Variants in EHMT2 observed in about 807,000 individuals in gnomAD.
EHMT2 encodes histone-lysine N-methyltransferase EHMT2.
A neutral mutation model predicts 143.3 loss-of-function variants in EHMT2; 59 were observed. The observed-to-expected ratio is 0.41, with a 90% CI of 0.33 to 0.51. EHMT2 has a LOEUF of 0.51. Among genes scored for constraint, EHMT2 ranks in the 20% least tolerant of loss-of-function variants. EHMT2 has a pLI of 0.18. For synonymous variants in EHMT2, 604 were observed against 651.5 expected, an observed-to-expected ratio of 0.93 and a Z score of 1.11; for missense variants, 1,174 against 1,645.9, an observed-to-expected ratio of 0.71 and a Z score of 4.96.
At chr6:31,892,992 TG>T in intron 4 of EHMT2, 82 bp from the exon 5 acceptor site, 2 of 882,896 alleles carry the variant, frequency 2.3e-6, no homozygotes. Flanking sequence ...CAGGCGGGGG[TG>T]GGGTAGTGAG....
exon 17 of EHMT2, chr6:31,886,775 C>T (rs776528443): frequency 6.2e-7 from 1 of 1,614,238 alleles, no homozygotes; most frequent in Non-Finnish European, 8.5e-7. Context: ...GCGCGCACAC[C>T]TTGCTATAGA....
Position 31,889,385 on chromosome 6 carries a change from G to C in EHMT2, c.1000-43C>G. On this transcript the variant is annotated intron_variant, in intron 8 of 27. Coordinates refer to ENST00000375537, the Ensembl canonical transcript of EHMT2. This position sits in a 1 kb window ranked among gnomAD's most constrained non-coding sequence, Gnocchi z 5.1. ...GAGGAGTTAGGAACCCTCACCCCCA[G>C]GGGCCCCCCCAACACCTTCAGGACC... The C allele has an allele frequency of 6.2e-7, 1 of 1,609,034 alleles. No homozygotes were observed. Among genetic ancestry groups the C allele is most frequent in the Non-Finnish European group, 8.5e-7 (1 of 1,178,422 alleles).
At chr6:31,893,166 T>C in intron 4 of EHMT2, 1 of 535,700 alleles carries the variant, frequency 1.9e-6, no homozygotes, top group East Asian at 3.1e-5. Flanking sequence ...CAAAGCTTAA[T>C]AAAGTTAAAA....
At chr6:31,892,939 G>A (rs1286530250) in intron 4 of EHMT2, 29 bp from the exon 5 acceptor site, 1 of 1,497,664 alleles carries the variant, frequency 6.7e-7, no homozygotes, top group African/African-American at 1.4e-5. Context: ...CACACTGAGG[G>A]TCAGAGAGCA....
intron 4 of EHMT2, among the ~76,000 whole-genome samples, chr6:31,893,832 A>G (rs1285297490): frequency 6.6e-6 from 1 of 152,168 alleles, no homozygotes; most frequent in East Asian, 1.9e-4. Context: ...GGTCCTTGCC[A>G]GGGGCTAGGG....
At position 31,881,870 on chromosome 6, in the gene EHMT2, G is replaced by A. The variant is rs767363363; in HGVS notation, c.3198-778C>T. On this transcript the variant is annotated intron_variant, in intron 25 of 27. Coordinates refer to ENST00000375537, the Ensembl canonical transcript of EHMT2. This position sits in a 1 kb window ranked among gnomAD's most constrained non-coding sequence, Gnocchi z 4.8. ...TGTAATCCCAGCACTTTGGGAGGCC[G>A]AGGTGGGCGGATCATCTGAGGTCAG... Among the ~76,000 whole-genome samples, 4 of 152,194 alleles carry A rather than the reference G, an allele frequency of 2.6e-5. No individual in the cohort carries two copies. Among genetic ancestry groups the A allele is most frequent in the Non-Finnish European group, 4.4e-5 (3 of 68,034 alleles).
In EHMT2 at chr6:31,880,464, G is replaced by A. The variant is rs1352726365; in HGVS notation, c.3453-200C>T. The A allele has an allele frequency of 2.4e-6, 2 of 832,260 alleles. No homozygotes were observed. The highest frequency in any genetic ancestry group is 3.6e-6 in the Non-Finnish European group (2 of 548,892). The allele number at this position is 832,260 out of a possible 1,614,324, so 51.6% of individuals were successfully genotyped here. The stretch of plus-strand genomic sequence containing the variant: ...ACTTTTTAGAAATGCAGAATCCTGG[G>A]CCCCATCCCAAGCCTACTGATTCAA... On this transcript the variant is annotated intron_variant, in intron 27 of 27. Coordinates refer to ENST00000375537, the Ensembl canonical transcript of EHMT2. This position sits in a 1 kb window ranked among gnomAD's most constrained non-coding sequence, Gnocchi z 6.6.
At position 31,888,625 on chromosome 6, in the gene EHMT2, T is replaced by G. The variant is rs780998448; in HGVS notation, c.1339A>C (p.Met447Leu). The stretch of plus-strand genomic sequence containing the variant: ...TCTCCGTCCACACTCTCAGTGGCCA[T>G]GCACTTGTGCCCCGCCCTCTCGCTG... The change falls in exon 11 of 28, where the codon ATG becomes CTG. Residue 447 changes from methionine (M) to leucine (L), a missense_variant. Physicochemically the swap from Met to Leu is conservative, Grantham distance 15. This residue lies in a region of EHMT2 where 608 missense variants were observed against 903.7 expected (regional missense o/e 0.67). Transcript: ENST00000375537. The surrounding 1 kb of genome is among the most constrained non-coding windows in gnomAD (Gnocchi z 7.4). 3 of 1,613,418 alleles carry G rather than the reference T, an allele frequency of 1.9e-6. No homozygotes were observed.
Position 31,887,962 on chromosome 6 carries a change from C to T in EHMT2, c.1746-1G>A, listed in dbSNP as rs1765108446. ...TTCCCCATGCCCTCGCATCCGGGCA[C>T]TGTGGAAGAAGGAGCTCATGTCCAG... is the stretch of plus-strand genomic sequence containing the variant. On this transcript the variant is annotated splice_acceptor_variant, in intron 13 of 27. Coordinates refer to ENST00000375537, the Ensembl canonical transcript of EHMT2. LOFTEE classifies it high-confidence loss of function. The T allele has an allele frequency of 6.3e-7, 1 of 1,589,016 alleles. No homozygotes were observed. The highest frequency in any genetic ancestry group is 8.6e-7 in the Non-Finnish European group (1 of 1,166,094).
rs1764297786 is a variant in EHMT2 at position 31,882,905 on chromosome 6, CTG to C, written c.3097_3098del (p.Gln1033GlufsTer41). 1.2e-6 allele frequency: 2 copies of C among 1,612,990 alleles called. No individual in the cohort carries two copies. Among genetic ancestry groups the C allele is most frequent in the Non-Finnish European group, 1.7e-6 (2 of 1,179,976 alleles). On this transcript the variant is annotated frameshift_variant, in exon 24 of 28. Transcript: ENST00000375537. LOFTEE classifies it high-confidence loss of function. The stretch of plus-strand genomic sequence containing the variant: ...GAGCAGGGCCTCACTTGATGCCACT[CTG>C]TACGACCCGGTTCTTGCAGTTTCTC...
At chr6:31,890,496 A>G (rs1765542247) in intron 7 of EHMT2, among the ~76,000 whole-genome samples, 1 of 150,322 alleles carries the variant, frequency 6.7e-6, no homozygotes, top group South Asian at 2.2e-4. Context: ...ACCTCAGGTG[A>G]TCCACCTGCC....
In EHMT2 at chr6:31,896,244, T is replaced by C; in HGVS notation, c.582+19A>G. On this transcript the variant is annotated intron_variant, in intron 4 of 27. Coordinates refer to ENST00000375537, the Ensembl canonical transcript of EHMT2. ...CAAAGGTTTATGGTTGATTATCCCATCTCTCCCATCCCACTCACCTGTCCA... is the reference window on the plus strand; with the variant it reads ...CAAAGGTTTATGGTTGATTATCCCACCTCTCCCATCCCACTCACCTGTCCA... 1 of 1,598,016 alleles carries C rather than the reference T, an allele frequency of 6.3e-7. No individual in the cohort carries two copies. The highest frequency in any genetic ancestry group is 8.5e-7 in the Non-Finnish European group (1 of 1,170,722).
At chr6:31,885,274 G>A (rs1045535885) in intron 18 of EHMT2, 1 of 409,198 alleles carries the variant, frequency 2.4e-6, no homozygotes. Flanking sequence ...TCAGGAGATG[G>A]AGGCCATTGT....
At position 31,888,417 on chromosome 6, in the gene EHMT2, G is replaced by A. The variant is rs142165631; in HGVS notation, c.1455C>T (p.Arg485=). The A allele has an allele frequency of 2.8e-4, 444 of 1,612,866 alleles. No homozygotes were observed. Among genetic ancestry groups the A allele is most frequent in the Non-Finnish European group, 3.0e-4 (355 of 1,179,952 alleles). ...AGCAGTGGTGTTTGACCATGCGGGC[G>A]CGGTGGGTCTCACAGAGCACCATCA... The change falls in exon 12 of 28, where the codon CGC becomes CGT. Residue 485 remains arginine (R), a synonymous_variant. Coordinates refer to ENST00000375537, the Ensembl canonical transcript of EHMT2. The surrounding 1 kb of genome is among the most constrained non-coding windows in gnomAD (Gnocchi z 7.4).
At chr6:31,885,645 G>C (rs1764736844) in intron 18 of EHMT2, 2 of 152,288 alleles carry the variant, frequency 1.3e-5, no homozygotes, top group Non-Finnish European at 2.9e-5. Flanking sequence ...CTTGAGCCCA[G>C]GATTTCGAGG....
intron 4 of EHMT2, chr6:31,893,289 C>G (rs2151650469): frequency 2.2e-6 from 1 of 450,818 alleles, no homozygotes; most frequent in Non-Finnish European, 4.3e-6. Context: ...GGCATTTATA[C>G]ACAATGGAAT....
At chr6:31,882,944 C>G (rs760156327) in exon 24 of EHMT2, 5 of 1,612,820 alleles carry the variant, frequency 3.1e-6, no homozygotes, top group Non-Finnish European at 4.2e-6. Flanking sequence ...AGCATGAGCA[C>G]GCCTGGTTAC....
Position 31,884,548 on chromosome 6 carries a change from G to A in EHMT2, c.2615C>T (p.Ser872Leu). The change falls in exon 21 of 28, where the codon TCA (serine) becomes TTA (leucine). Residue 872 changes from serine to leucine, a missense_variant. This residue lies in a region of EHMT2 where 608 missense variants were observed against 903.7 expected (regional missense o/e 0.67). Transcript: ENST00000375537. This position sits in a 1 kb window ranked among gnomAD's most constrained non-coding sequence, Gnocchi z 7.3. The stretch of plus-strand genomic sequence containing the variant: ...CCGCAGCTCAGGGTTGGCCCCACGT[G>A]ACAGGAATAACCTGAAGAGGGGACA... The A allele has an allele frequency of 6.2e-7, 1 of 1,612,920 alleles. No individual in the cohort carries two copies. The highest frequency in any genetic ancestry group is 8.5e-7 in the Non-Finnish European group (1 of 1,179,988).
intron 4 of EHMT2, among the ~76,000 whole-genome samples, chr6:31,894,744 T>C (rs1205616617): frequency 1.3e-5 from 2 of 151,956 alleles, no homozygotes; most frequent in Non-Finnish European, 2.9e-5. Flanking sequence ...TCACTGCAAG[T>C]GATTCTCCTG....
Sources: allele counts gnomAD v4.1 joint callset (sites outside exome capture counted in the v4.1 genomes callset), GRCh38; gene constraint gnomAD v4.1.1; regional missense constraint gnomAD v4.1.1; non-coding constraint Gnocchi (gnomAD v3.1); transcripts MANE v1.5; gene names NCBI Gene and HGNC (gene_info 2026-07-23, HGNC 2026-07-21).